Variants in RNF138 observed in about 807,000 individuals in gnomAD.
RNF138 encodes the protein ring finger protein 138.
RNF138 carries 12 observed loss-of-function variants against 31.0 expected under a neutral mutation model. The ratio of observed to expected loss-of-function variants is 0.39; its 90% CI spans 0.25 to 0.63. The LOEUF is 0.63. RNF138 is among the 20% of genes least tolerant of loss of function. The probability of loss-of-function intolerance (pLI) is 0.52; values close to 1 mark genes in which losing one functional copy is unlikely to be tolerated. For missense variants in RNF138, 192 were observed against 300.1 expected (o/e 0.64, Z 2.66); for synonymous variants, 105 against 99.5 (o/e 1.06, Z -0.33).
chr18:32,114,527 G>C (rs2144250201), intron 4 of RNF138, among the ~76,000 whole-genome samples: 1 of 152,214 alleles, frequency 6.6e-6, no homozygotes, highest in African/African-American at 2.4e-5. Flanking sequence ...CTCTATGTGA[G>C]CTCCTGCCCA....
chr18:32,110,441 C>T (rs1244369486), intron 2 of RNF138, among the ~76,000 whole-genome samples: 1 of 152,124 alleles, frequency 6.6e-6, no homozygotes, highest in Non-Finnish European at 1.5e-5. Flanking sequence ...TCTGAACAGC[C>T]GAATCAGTTG....
chr18:32,120,265 T>C (rs1463645617), intron 4 of RNF138, among the ~76,000 whole-genome samples: 2 of 152,160 alleles, frequency 1.3e-5, no homozygotes, highest in African/African-American at 4.8e-5. Context: ...ATTAATAGTT[T>C]TACTCAAATC....
rs187668151 is a variant in RNF138, at chr18:32,111,976, T to G, written c.276+57T>G. 32 of 1,418,114 alleles carry G rather than the reference T, an allele frequency of 2.3e-5. No individual in the cohort carries two copies. In the East Asian group the frequency reaches 4.3e-4, roughly 19 times the overall value. 87.8% of individuals were successfully genotyped at this position (1,418,114 alleles called of 1,614,324 possible). A position where few individuals can be genotyped will look rare whatever the true frequency, so the allele number is the denominator to read the frequency against. On this transcript the variant is annotated intron_variant, in intron 3 of 7. Coordinates refer to ENST00000261593, the MANE Select transcript of RNF138 (RefSeq NM_016271.5). ...AAGCCAAGTTTCTACTCTGAAATTC[T>G]TATTTGAATTTTCTTGGTTGGTGTT...
intron 2 of RNF138, among the ~76,000 whole-genome samples, chr18:32,107,116 CTTTT>C (rs58774714): frequency 1.4e-4 from 14 of 100,596 alleles, no homozygotes; most frequent in African/African-American, 5.6e-4. Flanking sequence ...TCCTTTTTTC[CTTTT>C]TTTTTTTTTT....
chr18:32,102,195 CTT>C (rs1167535943), intron 2 of RNF138, among the ~76,000 whole-genome samples: 327 of 63,798 alleles, frequency 5.1e-3, no homozygotes, highest in Non-Finnish European at 6.0e-3. Flanking sequence ...CTTTTAGTTT[CTT>C]TTTTTTTTTT....
At chr18:32,102,436 C>T (rs996829417) in intron 2 of RNF138, among the ~76,000 whole-genome samples, 18 of 150,926 alleles carry the variant, frequency 1.2e-4, no homozygotes, top group Non-Finnish European at 2.1e-4. Flanking sequence ...CTCCTGACCT[C>T]GTGATCCGCC....
rs773379320 is a variant in RNF138 at position 32,126,779 on chromosome 18, A to G, written c.648A>G (p.Gln216=). The G allele has an allele frequency of 7.6e-6, 12 of 1,586,250 alleles. No homozygotes were observed. Among genetic ancestry groups the G allele is most frequent in the South Asian group, 4.4e-5 (4 of 90,388 alleles). Residue 216 remains glutamine, a synonymous_variant, in exon 7 of 8, where the codon CAA becomes CAG. Coordinates refer to ENST00000261593, the MANE Select transcript of RNF138 (RefSeq NM_016271.5). Reference sequence around the variant, plus strand: ...TTAGTCATCTAAATCAGAGACATCAATTTGATTATGGAGAATTTGTGGTAA... The same window carrying G: ...TTAGTCATCTAAATCAGAGACATCAGTTTGATTATGGAGAATTTGTGGTAA... The part of the protein sequence containing the change: ...NFVSHLNQRH[Q]FDYGEFVNLQ...
chr18:32,093,989 C>T (rs111684677), intron 2 of RNF138, among the ~76,000 whole-genome samples: 4,377 of 152,128 alleles, frequency 0.029, 219 homozygotes, highest in African/African-American at 0.1. Context: ...GACGGGGTTT[C>T]ACCGTGTTAG....
At chr18:32,124,704 A>T in intron 5 of RNF138, 30 bp from the exon 6 acceptor site, 2 of 1,036,038 alleles carry the variant, frequency 1.9e-6, no homozygotes, top group Non-Finnish European at 1.5e-6. Context: ...ATTCTGAATT[A>T]AGTATGTTTC....
chr18:32,126,748 A>T lies in RNF138; in HGVS notation c.617A>T (p.Asn206Ile). 6.2e-7 allele frequency: 1 copy of T among 1,608,566 alleles called. No individual in the cohort carries two copies. Among genetic ancestry groups the T allele is most frequent in the Non-Finnish European group, 8.5e-7 (1 of 1,175,650 alleles). The stretch of plus-strand genomic sequence containing the variant: ...GGAGATCCTAGCCAGATTACCAGAA[A>T]TTTCGTTAGTCATCTAAATCAGAGA... The part of the protein sequence containing the change: ...PWGDPSQITR[N>I]FVSHLNQRHQ... Residue 206 changes from asparagine to isoleucine, a missense_variant, in exon 7 of 8, where the codon AAT becomes ATT. By Grantham distance (149) the Asn-to-Ile change is moderately radical (BLOSUM62 -3). This residue lies in a region of RNF138 where 140 missense variants were observed against 251.7 expected (regional missense o/e 0.56). Transcript: ENST00000261593.
chr18:32,111,571 A>G (rs2144239430), intron 2 of RNF138, among the ~76,000 whole-genome samples, 183 bp from the exon 3 acceptor site: 1 of 152,358 alleles, frequency 6.6e-6, no homozygotes, highest in South Asian at 2.1e-4. Context: ...CATCTAGTCC[A>G]GTTATCAGTC....
chr18:32,111,563 T>A (rs143628440), intron 2 of RNF138, among the ~76,000 whole-genome samples, 191 bp from the exon 3 acceptor site: 2 of 152,324 alleles, frequency 1.3e-5, no homozygotes, highest in African/African-American at 4.8e-5. Flanking sequence ...AATATTCCCA[T>A]CTAGTCCAGT....
At chr18:32,118,851 A>G (rs1366660985) in intron 4 of RNF138, among the ~76,000 whole-genome samples, 1 of 152,084 alleles carries the variant, frequency 6.6e-6, no homozygotes, top group East Asian at 1.9e-4. Context: ...AAATAATAAT[A>G]ATAATAATAA....
rs2039720394 is a variant in RNF138 at position 32,092,728 on chromosome 18, C to T, written c.-49C>T. The T allele has an allele frequency of 2.4e-6, 3 of 1,273,664 alleles. No homozygotes were observed. In the East Asian group the frequency reaches 7.6e-5, roughly 32 times the overall value. 78.9% of individuals were successfully genotyped at this position (1,273,664 alleles called of 1,614,324 possible). A position where few individuals can be genotyped will look rare whatever the true frequency, so the allele number is the denominator to read the frequency against. On this transcript the variant is annotated 5_prime_UTR_variant, in exon 2 of 8. Coordinates refer to ENST00000261593, the MANE Select transcript of RNF138 (RefSeq NM_016271.5). ...GTCGGGCCCCGGGCCGCCACCGTCA[C>T]CTCGGCCGCTGCCGCTGTCGCCATC...
At chr18:32,093,806 GAGA>G (rs1486535159) in intron 2 of RNF138, among the ~76,000 whole-genome samples, 1 of 152,228 alleles carries the variant, frequency 6.6e-6, no homozygotes, top group East Asian at 1.9e-4. Context: ...AGCCCTTGTT[GAGA>G]AGGTGTATAG....
At chr18:32,103,772 G>A (rs1265627810) in intron 2 of RNF138, among the ~76,000 whole-genome samples, 1 of 151,864 alleles carries the variant, frequency 6.6e-6, no homozygotes, top group Non-Finnish European at 1.5e-5. Flanking sequence ...GATCATCCTG[G>A]CTAACATGGT....
At chr18:32,092,677 C>T (rs1226196663) in intron 1 of RNF138, 23 bp from the exon 2 acceptor site, 1 of 721,044 alleles carries the variant, frequency 1.4e-6, no homozygotes, top group Non-Finnish European at 2.5e-6. Flanking sequence ...TGCGATCCCC[C>T]TCCCCCCTCC....
At chr18:32,102,174 C>G (rs933515801) in intron 2 of RNF138, among the ~76,000 whole-genome samples, 1 of 149,048 alleles carries the variant, frequency 6.7e-6, no homozygotes, top group African/African-American at 2.5e-5. Flanking sequence ...TGAGCCACCA[C>G]ACCTGACCTT....
chr18:32,126,489 C>T (rs985178005), intron 6 of RNF138, among the ~76,000 whole-genome samples: 2 of 152,018 alleles, frequency 1.3e-5, no homozygotes, highest in African/African-American at 4.8e-5. Context: ...AATAGAATGT[C>T]TAAGATTTCT....
Sources: gnomAD v4.1 joint callset for allele counts (sites outside exome capture counted in the v4.1 genomes callset) on GRCh38, gnomAD v4.1.1 for gene constraint, gnomAD v4.1.1 regional missense constraint, MANE v1.5 for transcripts, NCBI Gene and HGNC (gene_info 2026-07-23, HGNC 2026-07-21) for gene names.